MKLN1: variants seen among roughly 807,000 people sequenced by gnomAD.
MKLN1 encodes muskelin.
MKLN1 carries 18 observed loss-of-function variants against 99.0 expected under a neutral mutation model. The observed-to-expected ratio is 0.18, with a 90% CI of 0.13 to 0.27. MKLN1 has a LOEUF of 0.27. MKLN1 is among the 10% of genes least tolerant of loss of function. The probability of loss-of-function intolerance (pLI) is 1.00; values close to 1 mark genes in which losing one functional copy is unlikely to be tolerated. For synonymous variants in MKLN1, 288 were observed against 293.2 expected, an observed-to-expected ratio of 0.98 and a Z score of 0.18; for missense variants, 621 against 875.9, an observed-to-expected ratio of 0.71 and a Z score of 3.67.
intron 1 of MKLN1, among the ~76,000 whole-genome samples, chr7:131,362,065 G>A (rs1244945060): frequency 1.3e-5 from 2 of 151,934 alleles, no homozygotes; most frequent in African/African-American, 4.8e-5. Context: ...TATATATACA[G>A]TCCTAGGCTC....
chr7:131,127,262 C>G (rs1371458565), intron 1 of MKLN1, among the ~76,000 whole-genome samples: 2 of 151,986 alleles, frequency 1.3e-5, no homozygotes, highest in African/African-American at 4.8e-5. Context: ...GATGAAGGGT[C>G]TACTTGGGAT....
Position 131,445,808 on chromosome 7 carries a change from G to A in MKLN1, c.1430G>A (p.Arg477Gln). ...NRCLYVFGGQ[R>Q]SKTYLNDFFS... ...TGCTTATATGTATTTGGTGGCCAGC[G>A]ATCAAAGACCTATTTGAATGATTTC... is the stretch of plus-strand genomic sequence containing the variant. The change falls in exon 12 of 18, where the codon CGA becomes CAA. Residue 477 changes from arginine to glutamine, a missense_variant. Transcript: ENST00000352689. 1.2e-6 allele frequency: 2 copies of A among 1,604,560 alleles called. No homozygotes were observed. The highest frequency in any genetic ancestry group is 1.7e-6 in the Non-Finnish European group (2 of 1,175,086).
At chr7:131,210,634 T>A (rs367808214) in intron 3 of MKLN1, among the ~76,000 whole-genome samples, 1 of 137,448 alleles carries the variant, frequency 7.3e-6, no homozygotes. Context: ...GCCTGAGAGG[T>A]CAAGGCTGCT....
chr7:131,235,311 A>ATG (rs1797304472), intron 3 of MKLN1, among the ~76,000 whole-genome samples: 1 of 145,644 alleles, frequency 6.9e-6, no homozygotes, highest in South Asian at 2.1e-4. Context: ...GTGTGTGTGT[A>ATG]TGTGAGAGAG....
chr7:131,242,192 G>A (rs554440715), intron 3 of MKLN1, among the ~76,000 whole-genome samples: 2 of 152,296 alleles, frequency 1.3e-5, no homozygotes, highest in South Asian at 2.1e-4. Context: ...GAGGGCAGGC[G>A]AAGTTGAAAC....
At chr7:131,177,320 T>A (rs922967106) in intron 2 of MKLN1, among the ~76,000 whole-genome samples, 7 of 151,864 alleles carry the variant, frequency 4.6e-5, no homozygotes, top group African/African-American at 1.7e-4. Context: ...ACAAAAAAAT[T>A]AGCCAGACGT....
At chr7:131,478,733 AT>A in intron 17 of MKLN1, 56 bp downstream of exon 17, 1 of 1,597,254 alleles carries the variant, frequency 6.3e-7, no homozygotes. Flanking sequence ...GGAAGGTTGG[AT>A]TTTGGTTTCT....
chr7:131,358,240 A>C (rs867017683), intron 1 of MKLN1, among the ~76,000 whole-genome samples: 2 of 152,142 alleles, frequency 1.3e-5, no homozygotes, highest in Non-Finnish European at 2.9e-5. Flanking sequence ...GTTAGCTAAG[A>C]TTTTTAATCA....
chr7:131,174,414 CG>C (rs1201426252), intron 2 of MKLN1, among the ~76,000 whole-genome samples: 1 of 152,124 alleles, frequency 6.6e-6, no homozygotes, highest in Non-Finnish European at 1.5e-5. Context: ...AAAACAATAG[CG>C]GGGACAAGAA....
intron 1 of MKLN1, among the ~76,000 whole-genome samples, chr7:131,368,793 T>A (rs1202101982): frequency 1.3e-5 from 2 of 152,204 alleles, no homozygotes; most frequent in Non-Finnish European, 2.9e-5. Context: ...TTTGCTGTCA[T>A]GTCAACTATT....
intron 1 of MKLN1, among the ~76,000 whole-genome samples, chr7:131,333,353 G>A (rs1480048045): frequency 6.6e-6 from 1 of 152,148 alleles, no homozygotes; most frequent in East Asian, 1.9e-4. Flanking sequence ...GCGATTGTAG[G>A]TGTGAGCCAC....
At chr7:131,463,473 AT>A in intron 13 of MKLN1, 109 bp downstream of exon 13, 1 of 1,178,196 alleles carries the variant, frequency 8.5e-7, no homozygotes, top group South Asian at 1.3e-5. Context: ...GTGACATTGT[AT>A]ATTTAAAAGT....
intron 12 of MKLN1, among the ~76,000 whole-genome samples, chr7:131,452,610 G>A (rs1007316716): frequency 6.9e-5 from 10 of 144,218 alleles, no homozygotes; most frequent in African/African-American, 2.6e-4. Context: ...GAGTGCAGTG[G>A]CACAATCCCG....
intron 1 of MKLN1, among the ~76,000 whole-genome samples, chr7:131,115,557 C>T (rs1024848148): frequency 6.6e-6 from 1 of 152,114 alleles, no homozygotes; most frequent in East Asian, 1.9e-4. Flanking sequence ...TGTGATTTCT[C>T]ATCTTAGAAT....
At chr7:131,113,921 C>G (rs942901045) in intron 1 of MKLN1, among the ~76,000 whole-genome samples, 1 of 152,166 alleles carries the variant, frequency 6.6e-6, no homozygotes, top group Admixed American at 6.5e-5. Context: ...ATGAGAACTC[C>G]CTCACTATCG....
chr7:131,131,037 G>C (rs1241662902), intron 1 of MKLN1, among the ~76,000 whole-genome samples: 1 of 135,808 alleles, frequency 7.4e-6, no homozygotes, highest in African/African-American at 2.8e-5. Flanking sequence ...GGGCAACAGA[G>C]GGAGACCCTG....
chr7:131,315,574 C>T (rs1210610173), intron 3 of MKLN1, among the ~76,000 whole-genome samples: 1 of 152,202 alleles, frequency 6.6e-6, no homozygotes, highest in Non-Finnish European at 1.5e-5. Context: ...GGAAAGGAGG[C>T]TGAAGCCAGG....
chr7:131,413,158 G>A (rs1794927138), intron 7 of MKLN1, among the ~76,000 whole-genome samples: 2 of 152,078 alleles, frequency 1.3e-5, no homozygotes, highest in African/African-American at 4.8e-5. Flanking sequence ...TGACTGATGA[G>A]GGAAGGAAAG....
chr7:131,314,634 G>A (rs1798630447), intron 3 of MKLN1, among the ~76,000 whole-genome samples: 1 of 151,952 alleles, frequency 6.6e-6, no homozygotes, highest in African/African-American at 2.4e-5. Context: ...GTATTAGCCA[G>A]GACAGTGTCG....
Sources: allele counts gnomAD v4.1 joint callset (sites outside exome capture counted in the v4.1 genomes callset), GRCh38; gene constraint gnomAD v4.1.1; transcripts MANE v1.5; gene names NCBI Gene and HGNC (gene_info 2026-07-23, HGNC 2026-07-21).